QRICH1: variants seen among roughly 807,000 people sequenced by gnomAD.
QRICH1 encodes the protein transcriptional regulator QRICH1.
Under a neutral mutation model 87.1 loss-of-function variants are expected in QRICH1, and 16 were observed. The observed-to-expected ratio is 0.18, with a 90% CI of 0.12 to 0.28. The LOEUF (loss-of-function observed/expected upper bound fraction) is 0.28. Among genes scored for constraint, QRICH1 ranks in the 10% least tolerant of loss-of-function variants. The pLI, the probability that QRICH1 is intolerant of heterozygous loss-of-function variation, is 1.00. For synonymous variants in QRICH1, 367 were observed against 368.4 expected, an observed-to-expected ratio of 1.00 and a Z score of 0.05; for missense variants, 647 against 951.7, an observed-to-expected ratio of 0.68 and a Z score of 4.21.
At position 49,077,027 on chromosome 3, in the gene QRICH1, T is replaced by G. The variant is rs2041965212; in HGVS notation, c.-10A>C. The G allele has an allele frequency of 7.2e-7, 1 of 1,397,164 alleles. No individual in the cohort carries two copies. Among genetic ancestry groups the G allele is most frequent in the African/African-American group, 1.5e-5 (1 of 68,846 alleles). The allele number at this position is 1,397,164 out of a possible 1,614,324, so 86.5% of individuals were successfully genotyped here. A position where few individuals can be genotyped will look rare whatever the true frequency, so the allele number is the denominator to read the frequency against. On this transcript the variant is annotated 5_prime_UTR_variant, in exon 2 of 10. Transcript: ENST00000395443. The stretch of plus-strand genomic sequence containing the variant: ...CTAGGGAATTATTCATATTGCAGAG[T>G]CCTTAGGGTTCCTAGAAATAAACAG...
chr3:49,092,424 T>G (rs987906546), intron 1 of QRICH1: 15 of 152,104 alleles, frequency 9.9e-5, no homozygotes, highest in African/African-American at 3.6e-4. Context: ...GTATTTCTGC[T>G]GCTTGTCCTG....
chr3:49,069,821 C>T (rs2093490552), intron 2 of QRICH1, among the ~76,000 whole-genome samples: 1 of 152,062 alleles, frequency 6.6e-6, no homozygotes, highest in Admixed American at 6.6e-5. Context: ...TATCATCAAA[C>T]TAATGTATCT....
At chr3:49,063,740 G>C (rs944185384) in intron 2 of QRICH1, among the ~76,000 whole-genome samples, 1 of 152,186 alleles carries the variant, frequency 6.6e-6, no homozygotes, top group Non-Finnish European at 1.5e-5. Context: ...AGTGAACTAT[G>C]AACGGCACGT....
chr3:49,065,275 G>A (rs1490089842), intron 2 of QRICH1, among the ~76,000 whole-genome samples: 1 of 151,884 alleles, frequency 6.6e-6, no homozygotes, highest in Non-Finnish European at 1.5e-5. Flanking sequence ...CTCCCAAGTA[G>A]CTGGGATAAC....
chr3:49,069,353 T>C (rs1458165815), intron 2 of QRICH1, among the ~76,000 whole-genome samples: 1 of 151,728 alleles, frequency 6.6e-6, no homozygotes, highest in Non-Finnish European at 1.5e-5. Flanking sequence ...CCACCCGCCT[T>C]GTCCTCCCAA....
At chr3:49,065,223 C>A (rs2093460866) in intron 2 of QRICH1, among the ~76,000 whole-genome samples, 1 of 151,592 alleles carries the variant, frequency 6.6e-6, no homozygotes, top group South Asian at 2.1e-4. Context: ...CAGCTCAATG[C>A]AACCTTTGCC....
intron 1 of QRICH1, among the ~76,000 whole-genome samples, chr3:49,086,713 CTAATT>C (rs1245595561): frequency 6.6e-6 from 1 of 152,122 alleles, no homozygotes. Context: ...GGTCTGTTTG[CTAATT>C]TTTTTCTTTT....
Position 49,032,651 on chromosome 3 carries a change from G to A in QRICH1, c.2018C>T (p.Ala673Val). 3 of 1,607,868 alleles carry A rather than the reference G, an allele frequency of 1.9e-6. No individual in the cohort carries two copies. Among genetic ancestry groups the A allele is most frequent in the Non-Finnish European group, 2.5e-6 (3 of 1,177,328 alleles). Residue 673 changes from alanine (A) to valine (V), a missense_variant, in exon 8 of 10, where the codon GCC becomes GTC. Transcript: ENST00000395443. ...DKSTSIRYLK[A>V]LGIHQTGQKV... The stretch of plus-strand genomic sequence containing the variant: ...CTGGCCAGTCTGGTGTATTCCAAGG[G>A]CCTTCAAGTACCGGATACTCGTGCT...
intron 3 of QRICH1, among the ~76,000 whole-genome samples, chr3:49,047,978 A>G (rs577006095): frequency 6.6e-6 from 1 of 152,250 alleles, no homozygotes; most frequent in South Asian, 2.1e-4. Context: ...CTCAAGTAAA[A>G]AAGTAATTCT....
intron 2 of QRICH1, among the ~76,000 whole-genome samples, chr3:49,075,190 C>A (rs865824416): frequency 9.3e-4 from 141 of 151,624 alleles, no homozygotes; most frequent in Non-Finnish European, 1.6e-3. Context: ...ATTAGCTGCA[C>A]GTGGTGGTAC....
At chr3:49,093,015 T>A (rs950057782) in intron 1 of QRICH1, among the ~76,000 whole-genome samples, 3 of 152,222 alleles carry the variant, frequency 2.0e-5, no homozygotes, top group Non-Finnish European at 4.4e-5. Flanking sequence ...ATGGGCCACA[T>A]AAGCGAATTC....
intron 9 of QRICH1, among the ~76,000 whole-genome samples, chr3:49,030,991 CTTTTT>C (rs1162254467): frequency 2.3e-5 from 3 of 132,450 alleles, no homozygotes; most frequent in Non-Finnish European, 3.2e-5. Flanking sequence ...AGTCTTTGCG[CTTTTT>C]TTTTTTTTTT....
In QRICH1 at chr3:49,056,908, G is replaced by A; in HGVS notation, c.1292C>T (p.Thr431Ile). ...QPQQQTPQEQ[T>I]PPPQQQQQQL... The stretch of plus-strand genomic sequence containing the variant: ...CTGCTGCTGCTGCTGTGGTGGTGGT[G>A]TCTGTTCCTGGGGAGTTTGCTGCTG... The change falls in exon 3 of 10, where the codon ACA (threonine) becomes ATA (isoleucine). Residue 431 changes from threonine to isoleucine, a missense_variant. By Grantham distance (89) the Thr-to-Ile change is moderately conservative. Coordinates refer to ENST00000395443, the MANE Select transcript of QRICH1 (RefSeq NM_198880.3). 2 of 1,614,084 alleles carry A rather than the reference G, an allele frequency of 1.2e-6. No homozygotes were observed. The highest frequency in any genetic ancestry group is 2.2e-5 in the East Asian group (1 of 44,882).
At chr3:49,049,561 G>C (rs968766990) in intron 3 of QRICH1, among the ~76,000 whole-genome samples, 2 of 152,074 alleles carry the variant, frequency 1.3e-5, no homozygotes, top group African/African-American at 4.8e-5. Context: ...GCAGTGGCAT[G>C]ATCTTGGCTC....
intron 2 of QRICH1, among the ~76,000 whole-genome samples, chr3:49,058,303 A>G (rs1243975222): frequency 6.6e-6 from 1 of 150,850 alleles, no homozygotes; most frequent in South Asian, 2.1e-4. Flanking sequence ...GACATGCTGG[A>G]GTCTAACAAG....
At chr3:49,082,807 C>T (rs1302295081) in intron 1 of QRICH1, among the ~76,000 whole-genome samples, 1 of 149,124 alleles carries the variant, frequency 6.7e-6, no homozygotes, top group East Asian at 2.0e-4. Flanking sequence ...AGGCAGGAGA[C>T]TGGCGTAAAC....
rs768202864 is a variant in QRICH1, at chr3:49,057,709, A to G, written c.491T>C (p.Leu164Pro). The change falls in exon 3 of 10, where the codon CTG becomes CCG. Residue 164 changes from leucine to proline, a missense_variant. Leu to Pro is a moderately conservative substitution (Grantham distance 98). Coordinates refer to ENST00000395443, the MANE Select transcript of QRICH1 (RefSeq NM_198880.3). The surrounding 1 kb of genome is among the most constrained non-coding windows in gnomAD (Gnocchi z 5.4). ...CTGCACCTGGATCTGAGCTGCTTGC[A>G]GCTGCGAGGGACTGGGACTCTGCAG... ...PSLQSPSPSQ[L>P]QAAQIQVQHV... 5.0e-6 allele frequency: 8 copies of G among 1,614,204 alleles called. No homozygotes were observed. Among genetic ancestry groups the G allele is most frequent in the African/African-American group, 1.3e-5 (1 of 75,050 alleles).
chr3:49,046,273 A>C (rs1575334552), intron 5 of QRICH1, 152 bp downstream of exon 5: 2 of 896,074 alleles, frequency 2.2e-6, no homozygotes, highest in Non-Finnish European at 3.2e-6. Flanking sequence ...AAAAAAAAAA[A>C]AAAAACAACA....
intron 1 of QRICH1, chr3:49,086,889 C>T (rs2107036547): frequency 6.6e-6 from 1 of 152,302 alleles, no homozygotes; most frequent in South Asian, 2.1e-4. Context: ...TTACCTCTTC[C>T]TTGGGCTTTG....
Sources: allele counts gnomAD v4.1 joint callset (sites outside exome capture counted in the v4.1 genomes callset), GRCh38; gene constraint gnomAD v4.1.1; non-coding constraint Gnocchi (gnomAD v3.1); transcripts MANE v1.5; gene names NCBI Gene and HGNC (gene_info 2026-07-23, HGNC 2026-07-21).